The following TREX1 variants were observed in gnomAD, a reference collection of about 807,000 sequenced individuals.
TREX1 encodes three prime repair exonuclease 1, also known as three-prime repair exonuclease 1.
TREX1 carries 11 observed loss-of-function variants against 13.7 expected under a neutral mutation model. That is an observed-to-expected ratio of 0.80 (90% CI 0.51 to 1.33). The LOEUF (loss-of-function observed/expected upper bound fraction) is 1.33, where lower values mean the gene tolerates loss of function less well. Ranked by LOEUF, TREX1 falls within the 40% of genes most tolerant of loss-of-function variation. The pLI is 0.00. For synonymous variants in TREX1, 178 were observed against 178.8 expected (o/e 1.00, Z 0.03); for missense variants, 409 against 404.4 (o/e 1.01, Z -0.10).
In TREX1 at chr3:48,467,382, C is replaced by G. The variant is rs768223621; in HGVS notation, c.727C>G (p.Pro243Ala). The G allele has an allele frequency of 6.2e-7, 1 of 1,614,184 alleles. No individual in the cohort carries two copies. The highest frequency in any genetic ancestry group is 8.5e-7 in the Non-Finnish European group (1 of 1,180,036). Residue 243 changes from proline to alanine, a missense_variant, in exon 2 of 2, where the codon CCA becomes GCA. Transcript: ENST00000625293. Reference protein sequence around the residue: ...YGVTASARTKPRPSAVTTTAH... With the variant: ...YGVTASARTKARPSAVTTTAH... ...GGTCACAGCCTCTGCTAGGACCAAG[C>G]CAAGACCATCTGCTGTCACAACCAC... is the stretch of plus-strand genomic sequence containing the variant.
In TREX1 at chr3:48,467,350, T is replaced by C. The variant is rs373284647; in HGVS notation, c.695T>C (p.Met232Thr). The C allele has an allele frequency of 2.5e-6, 4 of 1,614,160 alleles. No individual in the cohort carries two copies. Among genetic ancestry groups the C allele is most frequent in the Non-Finnish European group, 2.5e-6 (3 of 1,180,032 alleles). Residue 232 changes from methionine to threonine, a missense_variant, in exon 2 of 2, where the codon ATG becomes ACG. By Grantham distance (81) the Met-to-Thr change is moderately conservative. Transcript: ENST00000625293. ...HARPFGTIRP[M>T]YGVTASARTK... is the part of the protein sequence containing the mutation. Reference sequence around the variant, plus strand: ...AGGCCTTTCGGCACCATCAGGCCCATGTATGGGGTCACAGCCTCTGCTAGG... The same window carrying C: ...AGGCCTTTCGGCACCATCAGGCCCACGTATGGGGTCACAGCCTCTGCTAGG...
In TREX1 at chr3:48,466,659, G is replaced by C; in HGVS notation, c.4G>C (p.Gly2Arg). 6.2e-7 allele frequency: 1 copy of C among 1,614,002 alleles called. No individual in the cohort carries two copies. Among genetic ancestry groups the C allele is most frequent in the Non-Finnish European group, 8.5e-7 (1 of 1,179,966 alleles). The change falls in exon 2 of 2, where the codon GGC becomes CGC. Residue 2 changes from glycine to arginine, a missense_variant. Transcript: ENST00000625293. Reference protein sequence around the residue: MGSQALPPGPMQ... With the variant: MRSQALPPGPMQ... ...AGCAGCAGGTACGTACCCAACCATG[G>C]GCTCGCAGGCCCTGCCCCCGGGGCC...
At chr3:48,466,503 G>T in intron 1 of TREX1, 127 bp from the exon 2 acceptor site, 3 of 1,614,004 alleles carry the variant, frequency 1.9e-6, no homozygotes, top group Non-Finnish European at 2.5e-6. Context: ...GGGCCCTGGA[G>T]CTCGCAGACA....
Position 48,467,068 on chromosome 3 carries a change from T to A in TREX1, c.413T>A (p.Leu138Gln). ...RYDFPLLQAE[L>Q]AMLGLTSALD... is the part of the protein sequence containing the mutation. The stretch of plus-strand genomic sequence containing the variant: ...GACTTCCCCCTGCTCCAAGCAGAGC[T>A]GGCTATGCTGGGCCTCACCAGTGCT... The change falls in exon 2 of 2, where the codon CTG (leucine) becomes CAG (glutamine). Residue 138 changes from leucine to glutamine, a missense_variant. By Grantham distance (113) the Leu-to-Gln change is moderately radical. Coordinates refer to ENST00000625293, the MANE Select transcript of TREX1 (RefSeq NM_033629.6). 1 of 1,613,980 alleles carries A rather than the reference T, an allele frequency of 6.2e-7. No homozygotes were observed. Among genetic ancestry groups the A allele is most frequent in the Non-Finnish European group, 8.5e-7 (1 of 1,180,040 alleles).
Position 48,466,884 on chromosome 3 carries a change from T to A in TREX1, c.229T>A (p.Cys77Ser). The A allele has an allele frequency of 6.2e-7, 1 of 1,612,666 alleles. No homozygotes were observed. Among genetic ancestry groups the A allele is most frequent in the Non-Finnish European group, 8.5e-7 (1 of 1,180,000 alleles). ...LSLCVAPGKA[C>S]SPAASEITGL... ...CCTGTGTGTGGCTCCGGGGAAGGCC[T>A]GCAGCCCTGCAGCCAGCGAGATCAC... is the stretch of plus-strand genomic sequence containing the variant. Residue 77 changes from cysteine (C) to serine (S), a missense_variant, in exon 2 of 2, where the codon TGC becomes AGC. By Grantham distance (112) the Cys-to-Ser change is moderately radical. Coordinates refer to ENST00000625293, the MANE Select transcript of TREX1 (RefSeq NM_033629.6).
Position 48,466,276 on chromosome 3 carries a change from C to T in TREX1, c.-60C>T, listed in dbSNP as rs2279076. On this transcript the variant is annotated 5_prime_UTR_variant, in exon 1 of 2. Coordinates refer to ENST00000625293, the MANE Select transcript of TREX1 (RefSeq NM_033629.6). ...CGAGAGCCGCGGGAGAGTGTGCAGC[C>T]GAGTCACTACTGCCTGCCTGCCTGC... The T allele has an allele frequency of 4.9e-3, 3,177 of 648,980 alleles. 66 individuals are homozygous for T. The highest frequency in any genetic ancestry group is 0.046 in the East Asian group (1,671 of 36,512). The allele number at this position is 648,980 out of a possible 1,614,324, so 40.2% of individuals were successfully genotyped here.
rs1575290759 is a variant in TREX1 at position 48,466,285 on chromosome 3, A to C, written c.-51A>C. 5 of 668,022 alleles carry C rather than the reference A, an allele frequency of 7.5e-6. No homozygotes were observed. In the East Asian group the frequency reaches 1.4e-4, roughly 18 times the overall value. The allele number at this position is 668,022 out of a possible 1,614,324, so 41.4% of individuals were successfully genotyped here. A position where few individuals can be genotyped will look rare whatever the true frequency, so the allele number is the denominator to read the frequency against. On this transcript the variant is annotated 5_prime_UTR_variant, in exon 1 of 2. Coordinates refer to ENST00000625293, the MANE Select transcript of TREX1 (RefSeq NM_033629.6). ...CGGGAGAGTGTGCAGCCGAGTCACTACTGCCTGCCTGCCTGCCTGCTACGG... is the reference window on the plus strand; with the variant it reads ...CGGGAGAGTGTGCAGCCGAGTCACTCCTGCCTGCCTGCCTGCCTGCTACGG...
At chr3:48,466,434 G>A (rs538072940) in intron 1 of TREX1, 125 bp downstream of exon 1, 85 of 1,612,016 alleles carry the variant, frequency 5.3e-5, no homozygotes, top group Non-Finnish European at 6.4e-5. Context: ...TCAGACAGTC[G>A]AATGTGCTGG....
At chr3:48,466,478 T>A (rs1039683413) in intron 1 of TREX1, 152 bp from the exon 2 acceptor site, 8 of 1,613,792 alleles carry the variant, frequency 5.0e-6, no homozygotes, top group African/African-American at 1.3e-5. Context: ...CCTCTCCAAC[T>A]TCCTGCCTGA....
chr3:48,465,848 G>A (rs879587702), upstream of TREX1: 29 of 363,768 alleles, frequency 8.0e-5, no homozygotes, highest in Admixed American at 4.2e-4. Flanking sequence ...TTTGGGCTGG[G>A]GCCATGGGAA....
In TREX1 at chr3:48,466,651, C is replaced by G; in HGVS notation, c.-5C>G. The G allele has an allele frequency of 1.9e-6, 3 of 1,614,072 alleles. No homozygotes were observed. The highest frequency in any genetic ancestry group is 1.1e-5 in the South Asian group (1 of 91,082). ...CCAGGCTCAGCAGCAGGTACGTACC[C>G]AACCATGGGCTCGCAGGCCCTGCCC... On this transcript the variant is annotated 5_prime_UTR_variant, in exon 2 of 2. Transcript: ENST00000625293.
upstream of TREX1, chr3:48,466,193 C>G: frequency 1.9e-6 from 1 of 538,128 alleles, no homozygotes; most frequent in Non-Finnish European, 3.4e-6. Flanking sequence ...GCGGGCCTGG[C>G]TCACGTGGGC....
In TREX1 at chr3:48,467,553, G is replaced by A; in HGVS notation, c.898G>A (p.Ala300Thr). Residue 300 changes from alanine (A) to threonine (T), a missense_variant, in exon 2 of 2, where the codon GCA becomes ACA. Ala to Thr is a moderately conservative substitution (Grantham distance 58). Transcript: ENST00000625293. ...PLGLLAILTL[A>T]VATLYGLSLA... The stretch of plus-strand genomic sequence containing the variant: ...GGGTCTGCTGGCCATCCTGACCTTG[G>A]CAGTAGCCACACTGTATGGACTATC... 6.2e-7 allele frequency: 1 copy of A among 1,613,828 alleles called. No individual in the cohort carries two copies. The highest frequency in any genetic ancestry group is 8.5e-7 in the Non-Finnish European group (1 of 1,179,974).
intron 1 of TREX1, 22 bp from the exon 2 acceptor site, chr3:48,466,608 C>T (rs1192387775): frequency 1.2e-6 from 2 of 1,613,910 alleles, no homozygotes; most frequent in African/African-American, 1.3e-5. Context: ...CACTCACACA[C>T]CCACCCCATG....
chr3:48,466,402 T>G, intron 1 of TREX1, 93 bp downstream of exon 1: 1 of 1,582,020 alleles, frequency 6.3e-7, no homozygotes. Context: ...AGGGGCCGAG[T>G]CATGTGAAGA....
rs771996246 is a variant in TREX1, at chr3:48,467,462, T to C, written c.807T>C (p.Gly269=). The change falls in exon 2 of 2, where the codon GGT becomes GGC. Residue 269 remains glycine, a synonymous_variant. Transcript: ENST00000625293. Reference sequence around the variant, plus strand: ...GTCCCAGCCTTGGAGAGAGCAGGGGTACCAAGGATCTTCCTCCAGTGAAGG... The same window carrying C: ...GTCCCAGCCTTGGAGAGAGCAGGGGCACCAAGGATCTTCCTCCAGTGAAGG... ...NTSPSLGESR[G]TKDLPPVKDP... The C allele has an allele frequency of 1.2e-6, 2 of 1,613,868 alleles. No homozygotes were observed. Among genetic ancestry groups the C allele is most frequent in the Non-Finnish European group, 1.7e-6 (2 of 1,179,996 alleles).
chr3:48,465,960 C>A, upstream of TREX1: 1 of 290,460 alleles, frequency 3.4e-6, no homozygotes, highest in Non-Finnish European at 6.7e-6. Flanking sequence ...AGGGCCGCAG[C>A]AGGGGCTCCC....
In TREX1 at chr3:48,466,507, G is replaced by T. The variant is rs376959068; in HGVS notation, c.-26-123G>T. 4.3e-6 allele frequency: 7 copies of T among 1,613,980 alleles called. No individual in the cohort carries two copies. The African/African-American group carries it at 9.3e-5, about 22-fold the overall frequency. On this transcript the variant is annotated intron_variant, in intron 1 of 1. Transcript: ENST00000625293. ...TGCCTGAAAATGGGCCCTGGAGCTC[G>T]CAGACAGGGCAGGATTGTGCAGGGA...
Position 48,467,557 on chromosome 3 carries a change from T to C in TREX1, c.902T>C (p.Val301Ala). The change falls in exon 2 of 2, where the codon GTA becomes GCA. Residue 301 changes from valine (V) to alanine (A), a missense_variant. Physicochemically the swap from Val to Ala is moderately conservative, Grantham distance 64 (BLOSUM62 0). Transcript: ENST00000625293. ...LGLLAILTLAVATLYGLSLAT... is the reference protein window; with the variant it reads ...LGLLAILTLAAATLYGLSLAT... ...CTGCTGGCCATCCTGACCTTGGCAG[T>C]AGCCACACTGTATGGACTATCCCTG... is the stretch of plus-strand genomic sequence containing the variant. The C allele has an allele frequency of 1.9e-6, 3 of 1,613,810 alleles. No individual in the cohort carries two copies. The highest frequency in any genetic ancestry group is 2.5e-6 in the Non-Finnish European group (3 of 1,179,942).
Sources: gnomAD v4.1 joint callset for allele counts on GRCh38, gnomAD v4.1.1 for gene constraint, MANE v1.5 for transcripts, NCBI Gene and HGNC (gene_info 2026-07-23, HGNC 2026-07-21) for gene names.